SGCD: variants seen among roughly 807,000 people sequenced by gnomAD.
The protein encoded by SGCD is sarcoglycan delta.
Under a neutral mutation model 36.6 loss-of-function variants are expected in SGCD, and 18 were observed. That is an observed-to-expected ratio of 0.49 (90% CI 0.34 to 0.73). The LOEUF (loss-of-function observed/expected upper bound fraction) is 0.73. SGCD is among the 30% of genes least tolerant of loss of function. The probability of loss-of-function intolerance (pLI) is 0.01; values close to 1 mark genes in which losing one functional copy is unlikely to be tolerated. For synonymous variants in SGCD, 133 were observed against 130.6 expected (o/e 1.02, Z -0.12); for missense variants, 387 against 346.7 (o/e 1.12, Z -0.92).
chr5:156,099,122 A>G (rs575012613), intron 1 of SGCD, among the ~76,000 whole-genome samples: 1 of 152,126 alleles, frequency 6.6e-6, no homozygotes, highest in Non-Finnish European at 1.5e-5. Context: ...GAGAGACAAT[A>G]CATCTGGTTG....
chr5:155,780,444 T>C, the SGCD span, among the ~76,000 whole-genome samples: 2 of 152,204 alleles, frequency 1.3e-5, no homozygotes, highest in Non-Finnish European at 2.9e-5. Flanking sequence ...AGTTCCTGTA[T>C]CTTAATTGGC....
chr5:155,814,338 C>T, the SGCD span, among the ~76,000 whole-genome samples: 8 of 152,218 alleles, frequency 5.3e-5, no homozygotes, highest in Admixed American at 1.3e-4. Flanking sequence ...TAAACTGTCA[C>T]TTCTCTGAGG....
At chr5:156,272,291 G>T (rs1312384513) in intron 3 of SGCD, among the ~76,000 whole-genome samples, 1 of 152,120 alleles carries the variant, frequency 6.6e-6, no homozygotes, top group Non-Finnish European at 1.5e-5. Flanking sequence ...CCATTCCTGA[G>T]TTACTTCATT....
chr5:156,393,633 G>A, intron 3 of SGCD: 1 of 428,846 alleles, frequency 2.3e-6, no homozygotes, highest in Non-Finnish European at 4.7e-6. Context: ...ATTGGCCATA[G>A]TGAGAGTATT....
chr5:156,632,052 A>G (rs1264675689), intron 6 of SGCD, among the ~76,000 whole-genome samples: 1 of 152,252 alleles, frequency 6.6e-6, no homozygotes, highest in East Asian at 1.9e-4. Flanking sequence ...AAGTCTAGAT[A>G]TGACCATCCC....
chr5:155,993,293 T>A (rs1758473196), intron 1 of SGCD, among the ~76,000 whole-genome samples: 1 of 151,918 alleles, frequency 6.6e-6, no homozygotes, highest in African/African-American at 2.4e-5. Context: ...GTCATTCCCA[T>A]GTCTATGTGT....
intron 1 of SGCD, among the ~76,000 whole-genome samples, chr5:156,115,832 A>T (rs1761893847): frequency 6.6e-6 from 1 of 152,066 alleles, no homozygotes; most frequent in African/African-American, 2.4e-5. Context: ...GATATTATTT[A>T]CAGCATATTT....
chr5:155,837,147 A>T, the SGCD span, among the ~76,000 whole-genome samples: 1 of 151,950 alleles, frequency 6.6e-6, no homozygotes, highest in African/African-American at 2.4e-5. Context: ...TTTAATTTTT[A>T]AATTTTTATT....
intron 1 of SGCD, among the ~76,000 whole-genome samples, chr5:156,111,595 G>A (rs1761786596): frequency 6.6e-6 from 1 of 152,126 alleles, no homozygotes; most frequent in Non-Finnish European, 1.5e-5. Context: ...GAAGAAGAGA[G>A]ACCACAGGAG....
chr5:155,773,004 G>A, the SGCD span, among the ~76,000 whole-genome samples: 1 of 152,100 alleles, frequency 6.6e-6, no homozygotes, highest in Admixed American at 6.6e-5. Context: ...AAGTAAGTAA[G>A]CACTCTCTAC....
chr5:155,814,142 G>A, the SGCD span, among the ~76,000 whole-genome samples: 15 of 152,290 alleles, frequency 9.8e-5, no homozygotes, highest in Admixed American at 5.2e-4. Context: ...TAGCCTCTCT[G>A]TTGTTTCTAG....
intron 3 of SGCD, among the ~76,000 whole-genome samples, chr5:156,292,878 A>AT (rs577792943): frequency 1.9e-3 from 293 of 152,114 alleles, no homozygotes; most frequent in Middle Eastern, 6.8e-3. Context: ...TCATATGCTT[A>AT]TTGGCCATTT....
chr5:156,609,331 T>C (rs1416612145), intron 6 of SGCD, among the ~76,000 whole-genome samples: 6 of 152,244 alleles, frequency 3.9e-5, no homozygotes, highest in Admixed American at 2.0e-4. Flanking sequence ...TATGAGATGC[T>C]GGGTTGAAAA....
chr5:155,999,096 G>A (rs1164135364), intron 1 of SGCD, among the ~76,000 whole-genome samples: 2 of 152,126 alleles, frequency 1.3e-5, no homozygotes, highest in Admixed American at 6.5e-5. Flanking sequence ...CAAATGTATC[G>A]AGATTTCTGC....
intron 1 of SGCD, among the ~76,000 whole-genome samples, chr5:156,085,052 G>A (rs1761059820): frequency 1.3e-5 from 2 of 152,088 alleles, no homozygotes; most frequent in Non-Finnish European, 2.9e-5. Context: ...AAATCAATTG[G>A]TCATGATGTG....
At chr5:156,422,557 C>G (rs907727895) in intron 3 of SGCD, among the ~76,000 whole-genome samples, 1 of 151,998 alleles carries the variant, frequency 6.6e-6, no homozygotes, top group African/African-American at 2.4e-5. Flanking sequence ...CCTCGATATC[C>G]ATAAGCAAGA....
the SGCD span, among the ~76,000 whole-genome samples, chr5:155,854,964 A>C: frequency 6.6e-6 from 1 of 152,046 alleles, no homozygotes; most frequent in Non-Finnish European, 1.5e-5. Flanking sequence ...GTCAACTATT[A>C]CTCAAGGTGG....
At chr5:156,182,277 G>A (rs1032594768) in intron 3 of SGCD, among the ~76,000 whole-genome samples, 3 of 149,596 alleles carry the variant, frequency 2.0e-5, no homozygotes, top group African/African-American at 7.4e-5. Flanking sequence ...TTAGAGTATT[G>A]GCTAGCTTAG....
rs564659779 is a variant in SGCD, at chr5:156,139,099, C to T, written c.-44+15080C>T. Among the ~76,000 whole-genome samples, 17 of 152,176 alleles carry T rather than the reference C, an allele frequency of 1.1e-4. No individual in the cohort carries two copies. In the Middle Eastern group the frequency reaches 0.01, roughly 91 times the overall value. ...ATAGTTCTATGTCATTTATATATAG[C>T]GTAGATATATTCATCCAGTCTGTTA... On this transcript the variant is annotated intron_variant, in intron 3 of 9. Coordinates refer to the SGCD transcript ENST00000517913.
Sources: allele counts gnomAD v4.1 joint callset (sites outside exome capture counted in the v4.1 genomes callset), GRCh38; gene constraint gnomAD v4.1.1; transcripts MANE v1.5; gene names NCBI Gene and HGNC (gene_info 2026-07-23, HGNC 2026-07-21).